The following PTPRD variants were observed in gnomAD, a reference collection of about 807,000 sequenced individuals.
The protein encoded by PTPRD is receptor-type tyrosine-protein phosphatase delta.
PTPRD carries 34 observed loss-of-function variants against 214.5 expected under a neutral mutation model. That is an observed-to-expected ratio of 0.16 (90% CI 0.12 to 0.21). PTPRD has a LOEUF of 0.21. PTPRD is among the 10% of genes least tolerant of loss of function. The pLI, the probability that PTPRD is intolerant of heterozygous loss-of-function variation, is 1.00. For synonymous variants in PTPRD, 1,128 were observed against 845.7 expected (o/e 1.33, Z -5.79); for missense variants, 2,545 against 2,398.7 (o/e 1.06, Z -1.27).
chr9:10,236,782 A>T (rs1189323375), intron 3 of PTPRD, among the ~76,000 whole-genome samples: 2 of 151,846 alleles, frequency 1.3e-5, no homozygotes, highest in Non-Finnish European at 1.5e-5. Flanking sequence ...AAAATACTTC[A>T]CAATATATTT....
intron 3 of PTPRD, among the ~76,000 whole-genome samples, chr9:10,201,864 A>C (rs760840199): frequency 2.0e-5 from 3 of 151,964 alleles, no homozygotes; most frequent in Non-Finnish European, 4.4e-5. Context: ...AAATCTTAAC[A>C]GTTGTTAAAT....
At position 8,521,502 on chromosome 9, in the gene PTPRD, C is replaced by G. The variant is rs1264786026; in HGVS notation, c.736G>C (p.Glu246Gln). 6.2e-7 allele frequency: 1 copy of G among 1,613,800 alleles called. No individual in the cohort carries two copies. The highest frequency in any genetic ancestry group is 2.2e-5 in the East Asian group (1 of 44,876). The change falls in exon 20 of 46, where the codon GAA (glutamate) becomes CAA (glutamine). Residue 246 changes from glutamate (E) to glutamine (Q), a missense_variant. Glu to Gln is a conservative substitution (Grantham distance 29). Coordinates refer to ENST00000381196, the MANE Select transcript of PTPRD (RefSeq NM_002839.4). ...TTAACGCTTCCGCCTGGCATGATTT[C>G]ATGATTAGTGGGTGGGATAGAGAAT... ...PRFSIPPTNH[E>Q]IMPGGSVNIT...
At chr9:9,141,676 G>A (rs571634140) in intron 10 of PTPRD, among the ~76,000 whole-genome samples, 20 of 150,668 alleles carry the variant, frequency 1.3e-4, no homozygotes, top group African/African-American at 4.8e-4. Context: ...TAAAAAATCT[G>A]ATATAAATAT....
At chr9:9,454,357 C>G (rs540057956) in intron 8 of PTPRD, among the ~76,000 whole-genome samples, 2 of 151,850 alleles carry the variant, frequency 1.3e-5, no homozygotes, top group African/African-American at 4.8e-5. Context: ...GCCACCCATT[C>G]TTGCAATCCA....
intron 12 of PTPRD, among the ~76,000 whole-genome samples, chr9:8,684,363 G>C (rs1356055211): frequency 1.3e-5 from 2 of 152,158 alleles, no homozygotes; most frequent in Non-Finnish European, 2.9e-5. Flanking sequence ...ACTGGGCTGG[G>C]AGAAGCTAAT....
chr9:10,164,551 T>C (rs1375846172), intron 3 of PTPRD, among the ~76,000 whole-genome samples: 1 of 151,632 alleles, frequency 6.6e-6, no homozygotes, highest in Non-Finnish European at 1.5e-5. Flanking sequence ...AACTTCATAT[T>C]ACAGTTTTGA....
chr9:9,384,840 C>G (rs2063406837), intron 9 of PTPRD, among the ~76,000 whole-genome samples: 1 of 151,802 alleles, frequency 6.6e-6, no homozygotes, highest in African/African-American at 2.4e-5. Context: ...CAGAAAACAC[C>G]CTTATGGAAT....
rs117252485 is a variant in PTPRD, at chr9:9,166,942, C to T, written c.-143+16362G>A. 3.7e-4 allele frequency among the ~76,000 whole-genome samples: 56 copies of T among 152,200 alleles called. No homozygotes were observed. The East Asian group carries it at 8.9e-3, about 24-fold the overall frequency. ...TGAAAACTTTCATAACAACTTAGAA[C>T]CTCACTTTGCAATATACGCTCTTAG... On this transcript the variant is annotated intron_variant, in intron 10 of 45. Transcript: ENST00000381196.
At chr9:8,523,650 G>A (rs80169386) in intron 18 of PTPRD, 126 bp from the exon 19 acceptor site, 30 of 973,692 alleles carry the variant, frequency 3.1e-5, no homozygotes, top group Admixed American at 7.1e-5. Flanking sequence ...ATCTTTATTC[G>A]CTCTAGTTCA....
At chr9:8,331,531 A>G (rs200670953) in intron 44 of PTPRD, 51 bp downstream of exon 44, 2 of 1,551,790 alleles carry the variant, frequency 1.3e-6, no homozygotes, top group Non-Finnish European at 8.7e-7. Flanking sequence ...TATACAGACA[A>G]TGAAGAAACA....
chr9:9,593,099 AG>A (rs2092911104), intron 7 of PTPRD, among the ~76,000 whole-genome samples: 1 of 150,620 alleles, frequency 6.6e-6, no homozygotes. Flanking sequence ...GAAGAAAGAC[AG>A]AGAGAGAGAA....
chr9:9,766,921 T>G (rs1269312612), intron 5 of PTPRD, 70 bp from the exon 6 acceptor site: 1 of 152,304 alleles, frequency 6.6e-6, no homozygotes, highest in South Asian at 2.1e-4. Flanking sequence ...TACCAATATA[T>G]AAAACTAAAA....
chr9:10,063,878 A>G (rs2097826769), intron 3 of PTPRD, among the ~76,000 whole-genome samples: 1 of 151,984 alleles, frequency 6.6e-6, no homozygotes, highest in Admixed American at 6.6e-5. Flanking sequence ...TCTAGCTCCC[A>G]GTGGATAGTC....
intron 11 of PTPRD, among the ~76,000 whole-genome samples, chr9:8,794,935 G>C (rs774064730): frequency 6.6e-6 from 1 of 151,592 alleles, no homozygotes; most frequent in Non-Finnish European, 1.5e-5. Context: ...AGGAACATAA[G>C]TCAATTTTTT....
chr9:9,589,845 G>C (rs2092529475), intron 7 of PTPRD, among the ~76,000 whole-genome samples: 1 of 151,974 alleles, frequency 6.6e-6, no homozygotes, highest in Non-Finnish European at 1.5e-5. Flanking sequence ...GTTTGGAGTA[G>C]TGTTTATGAG....
At chr9:9,491,901 G>A (rs1242040064) in intron 8 of PTPRD, among the ~76,000 whole-genome samples, 1 of 151,842 alleles carries the variant, frequency 6.6e-6, no homozygotes, top group East Asian at 1.9e-4. Flanking sequence ...AAAGAGCAGA[G>A]ATCAATGAAA....
intron 3 of PTPRD, among the ~76,000 whole-genome samples, chr9:10,088,586 G>A (rs983464241): frequency 2.0e-5 from 3 of 151,868 alleles, no homozygotes; most frequent in African/African-American, 4.8e-5. Flanking sequence ...TCTTCAGGAA[G>A]ATAAAGGAAC....
chr9:10,156,312 G>A (rs1049164384), intron 3 of PTPRD, among the ~76,000 whole-genome samples: 1 of 152,024 alleles, frequency 6.6e-6, no homozygotes, highest in African/African-American at 2.4e-5. Flanking sequence ...CTAGCTATGT[G>A]CCAGAGATTC....
chr9:8,344,065 T>C (rs1855149723), intron 39 of PTPRD, among the ~76,000 whole-genome samples: 1 of 150,798 alleles, frequency 6.6e-6, no homozygotes, highest in African/African-American at 2.5e-5. Context: ...GGAACCTAAG[T>C]CAGACTCAAC....
Sources: allele counts gnomAD v4.1 joint callset (sites outside exome capture counted in the v4.1 genomes callset), GRCh38; gene constraint gnomAD v4.1.1; transcripts MANE v1.5; gene names NCBI Gene and HGNC (gene_info 2026-07-23, HGNC 2026-07-21).